Variants in GPR137C observed in about 807,000 individuals in gnomAD.
GPR137C encodes the protein integral membrane protein GPR137C.
A neutral mutation model predicts 43.4 loss-of-function variants in GPR137C; 27 were observed. The ratio of observed to expected loss-of-function variants is 0.62; its 90% CI spans 0.46 to 0.86. The LOEUF (loss-of-function observed/expected upper bound fraction) is 0.86. Ranked by LOEUF, GPR137C falls within the 40% of genes least tolerant of loss-of-function variation. The pLI, the probability that GPR137C is intolerant of heterozygous loss-of-function variation, is 0.00. For synonymous variants in GPR137C, 285 were observed against 226.9 expected, an observed-to-expected ratio of 1.26 and a Z score of -2.30; for missense variants, 522 against 534.6, an observed-to-expected ratio of 0.98 and a Z score of 0.23.
intron 1 of GPR137C, among the ~76,000 whole-genome samples, chr14:52,597,573 A>G (rs1350064682): frequency 1.3e-5 from 2 of 152,166 alleles, no homozygotes; most frequent in African/African-American, 2.4e-5. Flanking sequence ...GTGAAATTCC[A>G]TATTTTGGAA....
intron 5 of GPR137C, 31 bp from the exon 6 acceptor site, chr14:52,633,797 C>G (rs371272495): frequency 4.5e-6 from 7 of 1,547,160 alleles, no homozygotes; most frequent in Non-Finnish European, 5.3e-6. Context: ...AAAGTAAAAC[C>G]TTCATATGCT....
At chr14:52,587,408 A>G (rs2038726964) in intron 1 of GPR137C, among the ~76,000 whole-genome samples, 1 of 152,238 alleles carries the variant, frequency 6.6e-6, no homozygotes, top group South Asian at 2.1e-4. Flanking sequence ...TAGTCTAAGC[A>G]AAGTAAAAAT....
intron 1 of GPR137C, among the ~76,000 whole-genome samples, chr14:52,577,378 A>G (rs2038573538): frequency 6.6e-6 from 1 of 152,010 alleles, no homozygotes; most frequent in Admixed American, 6.6e-5. Context: ...ATGTCTACAT[A>G]AAAAAGTCAT....
chr14:52,577,003 A>G (rs1446984680), intron 1 of GPR137C, among the ~76,000 whole-genome samples: 1 of 151,950 alleles, frequency 6.6e-6, no homozygotes, highest in East Asian at 1.9e-4. Context: ...CAGCCTGGCC[A>G]GTATGGGGAA....
chr14:52,604,048 T>G (rs1441396430), intron 3 of GPR137C, among the ~76,000 whole-genome samples: 1 of 152,192 alleles, frequency 6.6e-6, no homozygotes, highest in Non-Finnish European at 1.5e-5. Context: ...TGTTGGCCAT[T>G]TGTATGTCTG....
In GPR137C at chr14:52,633,907, A is replaced by C; in HGVS notation, c.1073A>C (p.Asp358Ala). 1.2e-6 allele frequency: 2 copies of C among 1,611,600 alleles called. No homozygotes were observed. The highest frequency in any genetic ancestry group is 1.7e-6 in the Non-Finnish European group (2 of 1,177,870). ...GACAATCCAAGACGATATGATAGTG[A>C]TGATGACCTGCCAAGACTGGGAAGT... is the stretch of plus-strand genomic sequence containing the variant. ...FFDNPRRYDS[D>A]DDLPRLGSSR... The change falls in exon 6 of 7, where the codon GAT (aspartate) becomes GCT (alanine). Residue 358 changes from aspartate to alanine, a missense_variant. By Grantham distance (126) the Asp-to-Ala change is moderately radical. Around this residue, in one of 3 missense-constraint regions of GPR137C, gnomAD observed 18 missense variants for 39.9 expected, o/e 0.45. Transcript: ENST00000321662.
chr14:52,555,811 G>C (rs1038375890), intron 1 of GPR137C, among the ~76,000 whole-genome samples: 2 of 152,070 alleles, frequency 1.3e-5, no homozygotes, highest in Non-Finnish European at 2.9e-5. Context: ...ACAATTTTAG[G>C]ACACAGTTGT....
chr14:52,607,642 AAG>A (rs1205007634), intron 3 of GPR137C, among the ~76,000 whole-genome samples: 1 of 152,168 alleles, frequency 6.6e-6, no homozygotes, highest in Non-Finnish European at 1.5e-5. Context: ...TTAGGAAGCC[AAG>A]GTGGGCAGAT....
Position 52,630,709 on chromosome 14 carries a change from C to T in GPR137C, c.718-1451C>T, listed in dbSNP as rs149161574. ...ATGGTTCTCAACCCCGCAAGAGCCC[C>T]GCAAGACCCAGTGCAGTTCTAATAA... On this transcript the variant is annotated intron_variant, in intron 3 of 6. Transcript: ENST00000321662. 3.4e-3 allele frequency among the ~76,000 whole-genome samples: 510 copies of T among 151,964 alleles called. 9 individuals carry two copies. Among genetic ancestry groups the T allele is most frequent in the Admixed American group, 0.027 (407 of 15,108 alleles).
rs576441987 is a variant in GPR137C at position 52,628,613 on chromosome 14, T to C, written c.718-3547T>C. ...GAGTTCAAGACCAGCCTGGCCAACA[T>C]GGTAAAACTCCGTCTCTACTAAAAA... On this transcript the variant is annotated intron_variant, in intron 3 of 6. Transcript: ENST00000321662. Among the ~76,000 whole-genome samples, 4 of 152,172 alleles carry C rather than the reference T, an allele frequency of 2.6e-5. No individual in the cohort carries two copies. The South Asian group carries it at 6.2e-4, about 24-fold the overall frequency.
At chr14:52,587,420 T>G (rs2038727044) in intron 1 of GPR137C, among the ~76,000 whole-genome samples, 1 of 152,160 alleles carries the variant, frequency 6.6e-6, no homozygotes, top group Admixed American at 6.6e-5. Context: ...AGTAAAAATA[T>G]GTACAAAGGC....
chr14:52,598,175 AT>A, intron 1 of GPR137C, 96 bp from the exon 2 acceptor site: 1 of 476,400 alleles, frequency 2.1e-6, no homozygotes, highest in Non-Finnish European at 3.8e-6. Context: ...GCTATATGTT[AT>A]TTATAGTGGT....
chr14:52,625,570 T>A (rs1212020034), intron 3 of GPR137C, among the ~76,000 whole-genome samples: 51 of 67,340 alleles, frequency 7.6e-4, no homozygotes, highest in Admixed American at 1.0e-3. Flanking sequence ...TTTTTTTTTT[T>A]TTGAGACGGA....
intron 1 of GPR137C, among the ~76,000 whole-genome samples, chr14:52,569,777 A>G (rs1397131456): frequency 6.6e-6 from 1 of 152,118 alleles, no homozygotes; most frequent in Non-Finnish European, 1.5e-5. Flanking sequence ...AGCCTCCAAG[A>G]AATATGGGAC....
At chr14:52,555,741 T>A (rs921474390) in intron 1 of GPR137C, among the ~76,000 whole-genome samples, 1 of 152,200 alleles carries the variant, frequency 6.6e-6, no homozygotes, top group African/African-American at 2.4e-5. Flanking sequence ...TTTTCCTTTG[T>A]AATGCCTGCT....
chr14:52,600,548 C>T (rs545195113), intron 3 of GPR137C, among the ~76,000 whole-genome samples: 1 of 152,220 alleles, frequency 6.6e-6, no homozygotes, highest in African/African-American at 2.4e-5. Flanking sequence ...AGCTTTTGGG[C>T]TCAAGTGATC....
chr14:52,585,472 A>G (rs2038701681), intron 1 of GPR137C, among the ~76,000 whole-genome samples: 1 of 152,180 alleles, frequency 6.6e-6, no homozygotes, highest in South Asian at 2.1e-4. Flanking sequence ...AGATTGCTGA[A>G]TCTTCAACCA....
intron 3 of GPR137C, among the ~76,000 whole-genome samples, chr14:52,631,953 CA>C (rs35962083): frequency 0.6 from 77,273 of 128,904 alleles, 20,537 homozygotes; most frequent in Middle Eastern, 0.66. Context: ...GGCAAGTTGG[CA>C]AAAAAAAAAA....
chr14:52,585,430 T>C (rs2038701113), intron 1 of GPR137C, among the ~76,000 whole-genome samples: 1 of 152,188 alleles, frequency 6.6e-6, no homozygotes, highest in South Asian at 2.1e-4. Flanking sequence ...CATCTTCTAC[T>C]TCGCCCTCTA....
Sources: allele counts gnomAD v4.1 joint callset (sites outside exome capture counted in the v4.1 genomes callset), GRCh38; gene constraint gnomAD v4.1.1; regional missense constraint gnomAD v4.1.1; transcripts MANE v1.5; gene names NCBI Gene and HGNC (gene_info 2026-07-23, HGNC 2026-07-21).